The following GAK variants were observed in gnomAD, a reference collection of about 807,000 sequenced individuals.
GAK encodes the protein cyclin G associated kinase.
GAK carries 79 observed loss-of-function variants against 143.9 expected under a neutral mutation model. The observed-to-expected ratio is 0.55, with a 90% CI of 0.46 to 0.66. GAK has a LOEUF of 0.66. GAK is among the 30% of genes least tolerant of loss of function. The pLI is 0.00. For missense variants in GAK, 1,693 were observed against 1,779.7 expected (o/e 0.95, Z 0.88); for synonymous variants, 881 against 765.5 (o/e 1.15, Z -2.49).
At chr4:880,685 A>C (rs1002287366) in intron 15 of GAK, among the ~76,000 whole-genome samples, 8 of 151,782 alleles carry the variant, frequency 5.3e-5, no homozygotes, top group Non-Finnish European at 1.0e-4. Context: ...CAGCACACAC[A>C]CACCTCCTCC....
chr4:905,008 C>T (rs1381973905), intron 4 of GAK, among the ~76,000 whole-genome samples: 1 of 152,186 alleles, frequency 6.6e-6, no homozygotes, highest in Non-Finnish European at 1.5e-5. Context: ...GTAACTTCAC[C>T]CTGTCTTCTG....
chr4:882,233 T>A (rs749844275), intron 14 of GAK, among the ~76,000 whole-genome samples, 193 bp from the exon 15 acceptor site: 1 of 152,162 alleles, frequency 6.6e-6, no homozygotes, highest in Non-Finnish European at 1.5e-5. Flanking sequence ...GACTGAAGGT[T>A]CCCTAACGAA....
chr4:878,630 C>T (rs1003005517), intron 15 of GAK, among the ~76,000 whole-genome samples: 3 of 152,290 alleles, frequency 2.0e-5, no homozygotes, highest in South Asian at 2.1e-4. Flanking sequence ...ATTACTGAGA[C>T]GAAAATATTG....
chr4:855,050 A>G (rs1211870011), intron 24 of GAK, among the ~76,000 whole-genome samples: 2 of 152,178 alleles, frequency 1.3e-5, no homozygotes, highest in African/African-American at 2.4e-5. Context: ...TCTCAAAAAA[A>G]TAAACTATTC....
chr4:878,526 G>A (rs977772933), intron 15 of GAK, among the ~76,000 whole-genome samples: 5 of 152,172 alleles, frequency 3.3e-5, no homozygotes, highest in African/African-American at 7.2e-5. Flanking sequence ...TGGGTGGAAC[G>A]TCCTAGAACG....
At chr4:902,341 C>G (rs963540652) in intron 5 of GAK, among the ~76,000 whole-genome samples, 1 of 151,682 alleles carries the variant, frequency 6.6e-6, no homozygotes, top group African/African-American at 2.4e-5. Context: ...AGCGGTGGCT[C>G]ACACCTGGAA....
rs369492221 is a variant in GAK at position 870,743 on chromosome 4, C to T, written c.2216G>A (p.Arg739Gln). ...AGACAGAATGTCTTGCTGCTCCTCC[C>T]GGCTGGAAAACAGGATTTTGGGGTT... ...GLNPKILFSSREEQQDILSKF... is the reference protein window; with the variant it reads ...GLNPKILFSSQEEQQDILSKF... Residue 739 changes from arginine to glutamine, a missense_variant, in exon 19 of 28, where the codon CGG becomes CAG. Transcript: ENST00000314167. The T allele has an allele frequency of 1.6e-5, 26 of 1,613,818 alleles. No individual in the cohort carries two copies. The highest frequency in any genetic ancestry group is 2.0e-5 in the Non-Finnish European group (24 of 1,179,980).
At chr4:856,476 C>T (rs1417555554) in intron 24 of GAK, among the ~76,000 whole-genome samples, 1 of 141,886 alleles carries the variant, frequency 7.0e-6, no homozygotes, top group African/African-American at 2.6e-5. Context: ...CAGCTGCTCA[C>T]CACCACAGCT....
At chr4:859,857 T>A in intron 23 of GAK, 135 bp from the exon 24 acceptor site, 1 of 662,818 alleles carries the variant, frequency 1.5e-6, no homozygotes, top group Non-Finnish European at 2.7e-6. Flanking sequence ...ATGGCTTGCG[T>A]GCACGAGACC....
Position 911,761 on chromosome 4 carries a change from A to G in GAK, c.294T>C (p.Ile98=). 3.7e-6 allele frequency: 6 copies of G among 1,613,994 alleles called. No individual in the cohort carries two copies. The highest frequency in any genetic ancestry group is 5.1e-6 in the Non-Finnish European group (6 of 1,179,932). The change falls in exon 4 of 28, where the codon ATT becomes ATC. Residue 98 remains isoleucine, a synonymous_variant. Coordinates refer to ENST00000314167, the MANE Select transcript of GAK (RefSeq NM_005255.4). The part of the protein sequence containing the change: ...FMKKLSGHPN[I]VQFCSAASIG... ...TAGACGCTGCAGAACAAAACTGGAC[A>G]ATGTTCGGGTGGCCGGAAAGCTTTT...
intron 12 of GAK, 46 bp from the exon 13 acceptor site, chr4:883,509 G>C: frequency 6.2e-7 from 1 of 1,603,050 alleles, no homozygotes; most frequent in Non-Finnish European, 8.5e-7. Context: ...TGCGCACCTC[G>C]TGGCCAGGCT....
intron 4 of GAK, among the ~76,000 whole-genome samples, chr4:906,345 A>G (rs768173279): frequency 3.8e-4 from 58 of 152,280 alleles, no homozygotes; most frequent in Non-Finnish European, 6.6e-4. Flanking sequence ...CACATTCACG[A>G]CAGTATCAGT....
chr4:873,226 G>T (rs916117337), intron 18 of GAK, among the ~76,000 whole-genome samples: 1 of 152,214 alleles, frequency 6.6e-6, no homozygotes, highest in Non-Finnish European at 1.5e-5. Flanking sequence ...CACACATCTG[G>T]TAAGTGGTAT....
intron 23 of GAK, 29 bp from the exon 24 acceptor site, chr4:859,751 A>AAGCACCATCTG (rs1241435021): frequency 6.7e-7 from 1 of 1,495,684 alleles, no homozygotes; most frequent in East Asian, 2.3e-5. Flanking sequence ...GCATTAGAAC[A>AAGCACCATCTG]AGCACCATCT....
Position 868,404 on chromosome 4 carries a change from G to C in GAK, c.2395+135C>G. ...CCATTAAAGAACAGGCTGACATGCC[G>C]GGTGCACAGCCCCACTGAGGTGCAA... is the stretch of plus-strand genomic sequence containing the variant. On this transcript the variant is annotated intron_variant, in intron 20 of 27. Transcript: ENST00000314167. The C allele has an allele frequency of 4.1e-6, 3 of 735,902 alleles. No individual in the cohort carries two copies. The Admixed American group carries it at 8.6e-5, about 21-fold the overall frequency. The allele number at this position is 735,902 out of a possible 1,614,324, so 45.6% of individuals were successfully genotyped here. A position where few individuals can be genotyped will look rare whatever the true frequency, so the allele number is the denominator to read the frequency against.
At chr4:921,536 G>C (rs1222138462) in intron 1 of GAK, among the ~76,000 whole-genome samples, 1 of 152,152 alleles carries the variant, frequency 6.6e-6, no homozygotes, top group Non-Finnish European at 1.5e-5. Context: ...CAACTGTGAA[G>C]GTTTAAAACT....
At chr4:913,462 T>C (rs1210891312) in intron 2 of GAK, 145 bp downstream of exon 2, 8 of 670,256 alleles carry the variant, frequency 1.2e-5, no homozygotes, top group African/African-American at 3.6e-5. Context: ...GCTGCTGAGA[T>C]TCAGCAGAAG....
chr4:875,591 T>C (rs1264848733), intron 18 of GAK, among the ~76,000 whole-genome samples: 1 of 152,214 alleles, frequency 6.6e-6, no homozygotes, highest in Non-Finnish European at 1.5e-5. Context: ...ACAGCCTCTG[T>C]CTTGGGAGCC....
At position 850,964 on chromosome 4, in the gene GAK, G is replaced by A; in HGVS notation, c.3629C>T (p.Ala1210Val). 1 of 1,613,916 alleles carries A rather than the reference G, an allele frequency of 6.2e-7. No individual in the cohort carries two copies. Residue 1210 changes from alanine (A) to valine (V), a missense_variant, in exon 26 of 28, where the codon GCT becomes GTT. Ala to Val is a moderately conservative substitution (Grantham distance 64). Transcript: ENST00000314167. ...TIAEMRKQDL[A>V]KDTDPLKLKL... Reference sequence around the variant, plus strand: ...CAGCTTGAGTGGGTCCGTGTCTTTAGCCAGGTCCTGCTTCCTCATCTCTGC... The same window carrying A: ...CAGCTTGAGTGGGTCCGTGTCTTTAACCAGGTCCTGCTTCCTCATCTCTGC...
Sources: allele counts gnomAD v4.1 joint callset (sites outside exome capture counted in the v4.1 genomes callset), GRCh38; gene constraint gnomAD v4.1.1; transcripts MANE v1.5; gene names NCBI Gene and HGNC (gene_info 2026-07-23, HGNC 2026-07-21).